SEC24B: variants seen among roughly 807,000 people sequenced by gnomAD.
The protein encoded by SEC24B is SEC24 homolog B, COPII component, also known as protein transport protein Sec24B.
SEC24B carries 45 observed loss-of-function variants against 142.8 expected under a neutral mutation model. The observed-to-expected ratio is 0.32, with a 90% CI of 0.25 to 0.40. The LOEUF (loss-of-function observed/expected upper bound fraction) is 0.40. Ranked by LOEUF, SEC24B falls within the 10% of genes least tolerant of loss-of-function variation. The pLI, the probability that SEC24B is intolerant of heterozygous loss-of-function variation, is 1.00. For missense variants in SEC24B, 1,409 were observed against 1,526.8 expected, an observed-to-expected ratio of 0.92 and a Z score of 1.29; for synonymous variants, 574 against 568.2, an observed-to-expected ratio of 1.01 and a Z score of -0.15.
intron 3 of SEC24B, among the ~76,000 whole-genome samples, chr4:109,475,980 T>C (rs1399229070): frequency 1.4e-5 from 2 of 147,180 alleles, no homozygotes; most frequent in Non-Finnish European, 2.9e-5. Flanking sequence ...TTACAACTTT[T>C]TCTCTCTCTC....
At chr4:109,437,342 G>A (rs1202717948) in intron 1 of SEC24B, among the ~76,000 whole-genome samples, 1 of 151,900 alleles carries the variant, frequency 6.6e-6, no homozygotes, top group African/African-American at 2.4e-5. Context: ...TGGAGTCAGT[G>A]ACTCCATCAT....
intron 17 of SEC24B, 33 bp downstream of exon 17, chr4:109,526,432 G>A: frequency 6.6e-7 from 1 of 1,525,848 alleles, no homozygotes; most frequent in Non-Finnish European, 9.0e-7. Flanking sequence ...ATAGTCTGCA[G>A]CAGTAATTCC....
intron 1 of SEC24B, among the ~76,000 whole-genome samples, chr4:109,461,589 A>G (rs189891472): frequency 1.7e-4 from 26 of 152,306 alleles, no homozygotes; most frequent in Non-Finnish European, 1.6e-4. Context: ...GAACTGTAAT[A>G]TCCTTTTTGT....
At chr4:109,458,701 A>AT (rs1440360239) in intron 1 of SEC24B, among the ~76,000 whole-genome samples, 1 of 152,232 alleles carries the variant, frequency 6.6e-6, no homozygotes, top group African/African-American at 2.4e-5. Context: ...TAAAAGATAC[A>AT]TTATAATCCC....
chr4:109,523,457 C>T (rs761132603), intron 14 of SEC24B, among the ~76,000 whole-genome samples: 2 of 151,286 alleles, frequency 1.3e-5, no homozygotes, highest in African/African-American at 2.4e-5. Flanking sequence ...GGCAACAGAG[C>T]GAGACCCGGT....
chr4:109,456,000 C>G (rs35007614), intron 1 of SEC24B, among the ~76,000 whole-genome samples: 3 of 152,166 alleles, frequency 2.0e-5, no homozygotes, highest in African/African-American at 4.8e-5. Context: ...ATCAAGTCTT[C>G]TAATCCATGA....
At chr4:109,539,491 G>C in intron 23 of SEC24B, 70 bp from the exon 24 acceptor site, 1 of 846,548 alleles carries the variant, frequency 1.2e-6, no homozygotes, top group East Asian at 2.5e-5. Flanking sequence ...AATTTTATGA[G>C]CTAGATTGCA....
At chr4:109,484,105 A>G (rs1297173537) in intron 4 of SEC24B, among the ~76,000 whole-genome samples, 2 of 152,254 alleles carry the variant, frequency 1.3e-5, no homozygotes, top group Admixed American at 1.3e-4. Context: ...GATCAGCTAT[A>G]AAGCTGTTTT....
At chr4:109,456,353 T>A (rs1162562943) in intron 1 of SEC24B, among the ~76,000 whole-genome samples, 4 of 148,774 alleles carry the variant, frequency 2.7e-5, no homozygotes, top group Non-Finnish European at 6.0e-5. Flanking sequence ...TTTTTTTTTT[T>A]ACTCCTTTCC....
At chr4:109,494,461 C>T (rs1735327287) in intron 5 of SEC24B, among the ~76,000 whole-genome samples, 154 bp from the exon 6 acceptor site, 1 of 152,154 alleles carries the variant, frequency 6.6e-6, no homozygotes, top group African/African-American at 2.4e-5. Context: ...TGGGGTTCAT[C>T]ATTCCCCCTA....
At chr4:109,486,293 T>G (rs1734345033) in intron 4 of SEC24B, among the ~76,000 whole-genome samples, 1 of 152,188 alleles carries the variant, frequency 6.6e-6, no homozygotes. Context: ...CTTTTCATGT[T>G]TTGTGCAGGT....
At chr4:109,442,265 G>T (rs1245330709) in intron 1 of SEC24B, among the ~76,000 whole-genome samples, 4 of 152,114 alleles carry the variant, frequency 2.6e-5, no homozygotes, top group African/African-American at 7.2e-5. Context: ...GCTGTGCCAG[G>T]CATTACTCCT....
intron 7 of SEC24B, among the ~76,000 whole-genome samples, chr4:109,508,761 AT>A (rs1736995203): frequency 1.3e-5 from 2 of 152,284 alleles, no homozygotes; most frequent in Admixed American, 1.3e-4. Flanking sequence ...TGTGCAATTT[AT>A]TTAACCTCTC....
chr4:109,539,634 T>G lies in SEC24B; in HGVS notation c.3766T>G (p.Tyr1256Asp), dbSNP rs1039296419. 6.2e-7 allele frequency: 1 copy of G among 1,613,726 alleles called. No homozygotes were observed. The highest frequency in any genetic ancestry group is 8.5e-7 in the Non-Finnish European group (1 of 1,179,826). ...CCGGACAGAGGCTGCATTTTCTTAC[T>G]ATGAATTTTTGCTTCATGTTCAGCA... is the stretch of plus-strand genomic sequence containing the variant. The part of the protein sequence containing the change: ...EDRTEAAFSY[Y>D]EFLLHVQQQI... Residue 1256 changes from tyrosine (Y) to aspartate (D), a missense_variant, in exon 24 of 24, where the codon TAT (tyrosine) becomes GAT (aspartate). Tyr to Asp is a radical substitution (Grantham distance 160). Coordinates refer to ENST00000265175, the MANE Select transcript of SEC24B (RefSeq NM_006323.5).
At position 109,533,689 on chromosome 4, in the gene SEC24B, A is replaced by G. The variant is rs756744269; in HGVS notation, c.3588+4A>G. The stretch of plus-strand genomic sequence containing the variant: ...TGCATCAATACCACAGAAAATGGTC[A>G]GTAGATTTTATACACCTTTAACTTT... On this transcript the variant is annotated splice_donor_region_variant and intron_variant, in intron 22 of 23. Coordinates refer to ENST00000265175, the MANE Select transcript of SEC24B (RefSeq NM_006323.5). 3 of 1,546,166 alleles carry G rather than the reference A, an allele frequency of 1.9e-6. No homozygotes were observed. Among genetic ancestry groups the G allele is most frequent in the Non-Finnish European group, 2.7e-6 (3 of 1,126,900 alleles).
intron 1 of SEC24B, among the ~76,000 whole-genome samples, chr4:109,450,302 A>G (rs1240231406): frequency 6.6e-6 from 1 of 152,150 alleles, no homozygotes; most frequent in African/African-American, 2.4e-5. Context: ...AAATCACCAC[A>G]GTAATTAAGA....
chr4:109,531,268 C>G (rs1724899494), intron 19 of SEC24B, 117 bp from the exon 20 acceptor site: 1 of 807,012 alleles, frequency 1.2e-6, no homozygotes, highest in South Asian at 1.9e-5. Context: ...AGAATTGAAT[C>G]TAGGTCTGTC....
intron 1 of SEC24B, among the ~76,000 whole-genome samples, chr4:109,459,309 G>A (rs1453781601): frequency 1.3e-5 from 2 of 152,184 alleles, no homozygotes; most frequent in African/African-American, 2.4e-5. Flanking sequence ...ACCATCCAGT[G>A]TGGTGGCCAC....
At position 109,466,661 on chromosome 4, in the gene SEC24B, T is replaced by C. The variant is rs976794890; in HGVS notation, c.877+3017T>C. On this transcript the variant is annotated intron_variant, in intron 2 of 23. Coordinates refer to ENST00000265175, the MANE Select transcript of SEC24B (RefSeq NM_006323.5). ...TCCTGACCTTGTGATCCGCCCGCCT[T>C]GGCCTCCCAAAGTGCTGGGATTACA... Among the ~76,000 whole-genome samples, 39 of 152,296 alleles carry C rather than the reference T, an allele frequency of 2.6e-4. 1 individual carries two copies. The highest frequency in any genetic ancestry group is 4.6e-4 in the Non-Finnish European group (31 of 68,008).
Sources: allele counts gnomAD v4.1 joint callset (sites outside exome capture counted in the v4.1 genomes callset), GRCh38; gene constraint gnomAD v4.1.1; transcripts MANE v1.5; gene names NCBI Gene and HGNC (gene_info 2026-07-23, HGNC 2026-07-21).